Variants in PPFIA1 observed in about 807,000 individuals in gnomAD.
PPFIA1 encodes PPFI scaffold protein A1, also known as liprin-alpha-1.
PPFIA1 carries 25 observed loss-of-function variants against 149.9 expected under a neutral mutation model. The observed-to-expected ratio is 0.17, with a 90% confidence interval of 0.12 to 0.23. The LOEUF (loss-of-function observed/expected upper bound fraction) is 0.23, where lower values mean the gene tolerates loss of function less well. Ranked by LOEUF, PPFIA1 falls within the 10% of genes least tolerant of loss-of-function variation. The probability of loss-of-function intolerance (pLI) is 1.00; values close to 1 mark genes in which losing one functional copy is unlikely to be tolerated. For synonymous variants in PPFIA1, 549 were observed against 552.8 expected, an observed-to-expected ratio of 0.99 and a Z score of 0.10; for missense variants, 1,362 against 1,506.5, an observed-to-expected ratio of 0.90 and a Z score of 1.59.
chr11:70,309,934 T>G (rs1271236382), intron 2 of PPFIA1, among the ~76,000 whole-genome samples: 1 of 152,200 alleles, frequency 6.6e-6, no homozygotes, highest in Admixed American at 6.5e-5. Context: ...GTGGTAATGG[T>G]AACACAGCAT....
At chr11:70,356,139 G>T (rs759662830) in intron 18 of PPFIA1, 22 bp from the exon 19 acceptor site, 1 of 1,578,370 alleles carries the variant, frequency 6.3e-7, no homozygotes, top group South Asian at 1.1e-5. Context: ...TTTTACTTCT[G>T]GGCTGTTCTG....
At chr11:70,301,661 A>G (rs559905258) in intron 2 of PPFIA1, among the ~76,000 whole-genome samples, 2 of 152,352 alleles carry the variant, frequency 1.3e-5, no homozygotes, top group East Asian at 3.9e-4. Flanking sequence ...TTGAATTAAT[A>G]GGGGTACTTG....
intron 19 of PPFIA1, among the ~76,000 whole-genome samples, chr11:70,359,811 G>A (rs1004841486): frequency 2.6e-5 from 4 of 152,262 alleles, no homozygotes; most frequent in African/African-American, 9.6e-5. Flanking sequence ...AGCCAAGTCT[G>A]AGATCAAGCA....
At chr11:70,348,163 G>T in intron 15 of PPFIA1, 26 bp from the exon 16 acceptor site, 1 of 1,605,600 alleles carries the variant, frequency 6.2e-7, no homozygotes, top group Non-Finnish European at 8.5e-7. Context: ...GAAACAGGAG[G>T]ACTGACTGCT....
At chr11:70,346,146 G>A (rs949209412) in intron 15 of PPFIA1, 7 of 326,978 alleles carry the variant, frequency 2.1e-5, no homozygotes, top group Non-Finnish European at 3.1e-5. Context: ...TGAAGAGACC[G>A]GTAAACCCTG....
chr11:70,279,721 AGGTGTGTGTG>A, intron 2 of PPFIA1, among the ~76,000 whole-genome samples: 1 of 123,404 alleles, frequency 8.1e-6, no homozygotes, highest in African/African-American at 3.7e-5. Context: ...GTATGTGTCT[AGGTGTGTGTG>A]TGTGTGTGTG....
At chr11:70,324,597 G>T in intron 3 of PPFIA1, 94 bp downstream of exon 3, 1 of 1,101,460 alleles carries the variant, frequency 9.1e-7, no homozygotes, top group East Asian at 2.4e-5. Flanking sequence ...CACTCTGTCT[G>T]GCCTGAAATA....
chr11:70,371,958 GT>G, intron 21 of PPFIA1: 1 of 286,646 alleles, frequency 3.5e-6, no homozygotes. Context: ...GCCAGTTACA[GT>G]TTTTTTGTAG....
At chr11:70,289,615 A>G (rs376339130) in intron 2 of PPFIA1, among the ~76,000 whole-genome samples, 8 of 152,358 alleles carry the variant, frequency 5.3e-5, no homozygotes, top group Middle Eastern at 3.4e-3. Flanking sequence ...AACATAACCA[A>G]AGTAATTACC....
intron 19 of PPFIA1, 33 bp from the exon 20 acceptor site, chr11:70,362,062 A>AT (rs759406107): frequency 6.2e-7 from 1 of 1,600,884 alleles, no homozygotes; most frequent in Admixed American, 1.7e-5. Flanking sequence ...TGCCTGGCTG[A>AT]TTCTTTAATT....
At chr11:70,364,268 TAC>T (rs1051119529) in intron 21 of PPFIA1, 6 of 152,220 alleles carry the variant, frequency 3.9e-5, no homozygotes, top group African/African-American at 1.4e-4. Flanking sequence ...GCTGTACTTA[TAC>T]AGTTTCTCTC....
intron 21 of PPFIA1, among the ~76,000 whole-genome samples, chr11:70,368,265 G>C (rs182940518): frequency 1.3e-5 from 2 of 152,314 alleles, no homozygotes; most frequent in East Asian, 3.9e-4. Context: ...TTTAGAGAAG[G>C]TAGTGAAGCA....
At chr11:70,355,847 G>T (rs1253364834) in intron 18 of PPFIA1, 36 bp downstream of exon 18, 13 of 1,576,866 alleles carry the variant, frequency 8.2e-6, no homozygotes, top group Non-Finnish European at 8.6e-7. Context: ...CAGCACCCAG[G>T]GGTCGGGGAG....
chr11:70,286,200 G>A (rs187633563), intron 2 of PPFIA1, among the ~76,000 whole-genome samples: 178 of 152,150 alleles, frequency 1.2e-3, no homozygotes, highest in African/African-American at 4.2e-3. Context: ...TCTTTCCCCC[G>A]CATCCGTACC....
At chr11:70,301,684 T>A (rs1591122928) in intron 2 of PPFIA1, among the ~76,000 whole-genome samples, 1 of 152,216 alleles carries the variant, frequency 6.6e-6, no homozygotes, top group Non-Finnish European at 1.5e-5. Context: ...CTTAAGCTTA[T>A]ATGTCTATTT....
intron 6 of PPFIA1, 61 bp from the exon 7 acceptor site, chr11:70,326,536 T>A: frequency 7.1e-7 from 1 of 1,417,190 alleles, no homozygotes; most frequent in East Asian, 2.3e-5. Flanking sequence ...TTCCTGGAAG[T>A]ATTTTTATTT....
chr11:70,318,808 G>A (rs1263852183), intron 2 of PPFIA1, among the ~76,000 whole-genome samples: 1 of 152,162 alleles, frequency 6.6e-6, no homozygotes, highest in Non-Finnish European at 1.5e-5. Context: ...TCATCCTCCT[G>A]GAAATAAGGA....
intron 2 of PPFIA1, chr11:70,284,220 C>T (rs1379816006): frequency 5.0e-6 from 2 of 396,526 alleles, no homozygotes; most frequent in African/African-American, 2.1e-5. Context: ...GATGGTGCCC[C>T]CTCATCTGCT....
At chr11:70,345,312 C>G in intron 15 of PPFIA1, among the ~76,000 whole-genome samples, 1 of 148,792 alleles carries the variant, frequency 6.7e-6, no homozygotes, top group African/African-American at 2.5e-5. Flanking sequence ...TCAGGGCGGC[C>G]CTGAGTTGTG....
Sources: allele counts gnomAD v4.1 joint callset (sites outside exome capture counted in the v4.1 genomes callset), GRCh38; gene constraint gnomAD v4.1.1; transcripts MANE v1.5; gene names NCBI Gene and HGNC (gene_info 2026-07-23, HGNC 2026-07-21).